Variants in EPHA6 observed in about 807,000 individuals in gnomAD.
EPHA6 encodes EPH receptor A6, also known as ephrin type-A receptor 6.
Under a neutral mutation model 112.0 loss-of-function variants are expected in EPHA6, and 50 were observed. The ratio of observed to expected loss-of-function variants is 0.45; its 90% CI spans 0.36 to 0.56. The LOEUF (loss-of-function observed/expected upper bound fraction) is 0.56, where lower values mean the gene tolerates loss of function less well. Among genes scored for constraint, EPHA6 ranks in the 20% least tolerant of loss-of-function variants. EPHA6 has a pLI of 0.00. For missense variants in EPHA6, 1,280 were observed against 1,417.4 expected (o/e 0.90, Z 1.56); for synonymous variants, 529 against 490.7 (o/e 1.08, Z -1.03).
chr3:96,884,341 C>T (rs1453982589), intron 2 of EPHA6, among the ~76,000 whole-genome samples: 2 of 152,108 alleles, frequency 1.3e-5, no homozygotes, highest in African/African-American at 2.4e-5. Flanking sequence ...TGATTCTACC[C>T]ATCCATGAGC....
In EPHA6 at chr3:97,273,375, T is replaced by C. The variant is rs192632529; in HGVS notation, c.1606+29088T>C. On this transcript the variant is annotated intron_variant, in intron 5 of 17. Coordinates refer to ENST00000389672, the MANE Select transcript of EPHA6 (RefSeq NM_001080448.3). The stretch of plus-strand genomic sequence containing the variant: ...ACAAGAGCAGGGCATTTATGAGTAG[T>C]TGAGAATGGTGAATAGGTGTATGAC... Among the ~76,000 whole-genome samples, 607 of 152,106 alleles carry C rather than the reference T, an allele frequency of 4.0e-3. 4 individuals are homozygous for C. Among genetic ancestry groups the C allele is most frequent in the African/African-American group, 0.014 (561 of 41,500 alleles).
At chr3:96,838,024 C>T (rs2034520298) in intron 1 of EPHA6, among the ~76,000 whole-genome samples, 1 of 152,176 alleles carries the variant, frequency 6.6e-6, no homozygotes, top group Middle Eastern at 3.4e-3. Flanking sequence ...TAGTCCTTTA[C>T]CTCCTTCCAC....
intron 14 of EPHA6, among the ~76,000 whole-genome samples, chr3:97,640,537 G>A (rs543796896): frequency 1.2e-4 from 18 of 152,180 alleles, no homozygotes; most frequent in South Asian, 2.1e-4. Context: ...TTGGGAAGCC[G>A]AGGGGAGCGG....
At chr3:96,825,265 CT>C (rs34848912) in intron 1 of EPHA6, among the ~76,000 whole-genome samples, 60 of 144,328 alleles carry the variant, frequency 4.2e-4, no homozygotes, top group African/African-American at 1.1e-3. Context: ...TGTGACTTGG[CT>C]TTTTTTTTTA....
intron 5 of EPHA6, among the ~76,000 whole-genome samples, chr3:97,320,731 T>C (rs2082069849): frequency 6.6e-6 from 1 of 150,910 alleles, no homozygotes; most frequent in South Asian, 2.1e-4. Context: ...ACCAAAGTGA[T>C]GCTTCTTATT....
At chr3:97,696,718 A>G (rs1168946787) in intron 14 of EPHA6, among the ~76,000 whole-genome samples, 2 of 152,172 alleles carry the variant, frequency 1.3e-5, no homozygotes. Context: ...CTGAGTGTGT[A>G]CTATGGTCCA....
chr3:97,661,258 T>G (rs1158449461), intron 14 of EPHA6, among the ~76,000 whole-genome samples: 2 of 152,116 alleles, frequency 1.3e-5, no homozygotes, highest in Non-Finnish European at 2.9e-5. Context: ...TGAAAAGAAT[T>G]GTAGCTAAGA....
intron 9 of EPHA6, among the ~76,000 whole-genome samples, chr3:97,482,971 G>A (rs978812538): frequency 1.3e-5 from 2 of 152,150 alleles, no homozygotes; most frequent in African/African-American, 4.8e-5. Flanking sequence ...GGAAATTAAT[G>A]AGCCAGCTTG....
intron 13 of EPHA6, among the ~76,000 whole-genome samples, chr3:97,614,501 ATTTTTT>A (rs35126699): frequency 1.0e-5 from 1 of 98,264 alleles, no homozygotes. Context: ...CACCCAGCTA[ATTTTTT>A]TTTTTTTTTT....
intron 17 of EPHA6, among the ~76,000 whole-genome samples, chr3:97,748,231 C>G (rs2035796588): frequency 6.6e-6 from 1 of 152,012 alleles, no homozygotes; most frequent in Admixed American, 6.6e-5. Context: ...AAATGTATAT[C>G]ATTACCTAAA....
intron 2 of EPHA6, among the ~76,000 whole-genome samples, chr3:96,918,746 G>T (rs549933531): frequency 6.6e-6 from 1 of 152,018 alleles, no homozygotes; most frequent in South Asian, 2.1e-4. Flanking sequence ...AATGCTTGAG[G>T]TATGTGCTAG....
At chr3:97,624,203 AG>A (rs1465329687) in intron 13 of EPHA6, among the ~76,000 whole-genome samples, 1 of 151,638 alleles carries the variant, frequency 6.6e-6, no homozygotes, top group Non-Finnish European at 1.5e-5. Context: ...ATTATGTCAA[AG>A]TAATTTTCTT....
rs1302992572 is a variant in EPHA6, at chr3:97,160,693, A to G, written c.1115-65571A>G. Among the ~76,000 whole-genome samples, 7 of 152,192 alleles carry G rather than the reference A, an allele frequency of 4.6e-5. No individual in the cohort carries two copies. In the East Asian group the frequency reaches 9.7e-4, roughly 21 times the overall value. ...CTTCCAAGTTCCTAATCATCTAGCC[A>G]TCATTGGCTGTAGCCCATGCATTGT... On this transcript the variant is annotated intron_variant, in intron 3 of 17. Transcript: ENST00000389672.
chr3:97,652,579 A>T (rs1398881488), intron 14 of EPHA6, among the ~76,000 whole-genome samples: 4 of 152,070 alleles, frequency 2.6e-5, no homozygotes, highest in African/African-American at 9.7e-5. Flanking sequence ...TATCAAAAAT[A>T]GGTTTGAGTG....
At chr3:97,511,078 A>G (rs2092355875) in intron 10 of EPHA6, among the ~76,000 whole-genome samples, 1 of 152,202 alleles carries the variant, frequency 6.6e-6, no homozygotes, top group Non-Finnish European at 1.5e-5. Context: ...CCTGGCAGCA[A>G]GAATTTCAAG....
intron 12 of EPHA6, among the ~76,000 whole-genome samples, chr3:97,605,179 C>CA (rs1553832475): frequency 1.3e-5 from 2 of 150,228 alleles, no homozygotes; most frequent in African/African-American, 4.9e-5. Context: ...ATTTAAGCTG[C>CA]TTTTTTTTTA....
intron 7 of EPHA6, among the ~76,000 whole-genome samples, chr3:97,460,659 C>G (rs2090857035): frequency 6.6e-6 from 1 of 152,152 alleles, no homozygotes; most frequent in South Asian, 2.1e-4. Context: ...AAGCTACATG[C>G]CCCTCTTCCT....
chr3:97,516,655 G>T (rs1185491117), intron 10 of EPHA6, among the ~76,000 whole-genome samples: 3 of 152,042 alleles, frequency 2.0e-5, no homozygotes, highest in Non-Finnish European at 4.4e-5. Flanking sequence ...ATCTAATGTT[G>T]TATGTTTTTT....
chr3:97,014,096 C>T (rs1286289514), intron 3 of EPHA6, among the ~76,000 whole-genome samples: 2 of 151,830 alleles, frequency 1.3e-5, no homozygotes, highest in African/African-American at 4.8e-5. Context: ...TTAAACTTTC[C>T]TGTAAAATGT....
Sources: gnomAD v4.1 joint callset for allele counts (sites outside exome capture counted in the v4.1 genomes callset) on GRCh38, gnomAD v4.1.1 for gene constraint, MANE v1.5 for transcripts, NCBI Gene and HGNC (gene_info 2026-07-23, HGNC 2026-07-21) for gene names.